SENP5: variants seen among roughly 807,000 people sequenced by gnomAD.
SENP5 encodes SUMO specific peptidase 5, also known as sentrin-specific protease 5.
Under a neutral mutation model 74.2 loss-of-function variants are expected in SENP5, and 21 were observed. The ratio of observed to expected loss-of-function variants is 0.28; its 90% CI spans 0.20 to 0.41. The LOEUF is 0.41. Among genes scored for constraint, SENP5 ranks in the 10% least tolerant of loss-of-function variants. The pLI is 1.00. For missense variants in SENP5, 717 were observed against 889.1 expected (o/e 0.81, Z 2.46); for synonymous variants, 311 against 312.7 (o/e 0.99, Z 0.06).
At chr3:196,893,016 C>T (rs1714279646) in intron 2 of SENP5, among the ~76,000 whole-genome samples, 1 of 152,158 alleles carries the variant, frequency 6.6e-6, no homozygotes, top group Admixed American at 6.6e-5. Flanking sequence ...GCAGGTACCT[C>T]TTCAACACAC....
intron 5 of SENP5, among the ~76,000 whole-genome samples, chr3:196,901,986 G>T (rs1316891320): frequency 3.9e-5 from 6 of 152,124 alleles, no homozygotes; most frequent in Non-Finnish European, 8.8e-5. Context: ...TCAGAAACTG[G>T]AGGTGGGGGA....
intron 1 of SENP5, among the ~76,000 whole-genome samples, chr3:196,883,010 A>G (rs1713795658): frequency 6.6e-6 from 1 of 151,562 alleles, no homozygotes; most frequent in South Asian, 2.1e-4. Flanking sequence ...ACAGACTGCT[A>G]GCATTCTGGG....
intron 4 of SENP5, 115 bp downstream of exon 4, chr3:196,900,177 T>A (rs941501626): frequency 7.4e-7 from 1 of 1,354,082 alleles, no homozygotes; most frequent in African/African-American, 1.5e-5. Flanking sequence ...CTTCATTCTT[T>A]ACTGGTTACT....
Position 196,886,656 on chromosome 3 carries a change from C to T in SENP5, c.1475C>T (p.Ser492Phe), listed in dbSNP as rs1713989212. ...VGGGKNSQKA[S>F]PVDDEQLSVC... ...GGTGGAAAGAACAGTCAGAAAGCCT[C>T]TCCAGTGGATGATGAACAGCTGTCA... is the stretch of plus-strand genomic sequence containing the variant. The change falls in exon 2 of 10, where the codon TCT (serine) becomes TTT (phenylalanine). Residue 492 changes from serine to phenylalanine, a missense_variant. By Grantham distance (155) the Ser-to-Phe change is radical (BLOSUM62 -2). Coordinates refer to ENST00000323460, the MANE Select transcript of SENP5 (RefSeq NM_152699.5). The T allele has an allele frequency of 6.3e-7, 1 of 1,589,586 alleles. No homozygotes were observed. The highest frequency in any genetic ancestry group is 8.5e-7 in the Non-Finnish European group (1 of 1,169,976).
At chr3:196,894,297 A>G (rs925740089) in intron 2 of SENP5, among the ~76,000 whole-genome samples, 7 of 151,270 alleles carry the variant, frequency 4.6e-5, no homozygotes, top group South Asian at 4.2e-4. Context: ...CTAATTTTGT[A>G]TTTTTAGTAG....
At position 196,932,089 on chromosome 3, in the gene SENP5, C is replaced by T. The variant is rs553268844; in HGVS notation, c.*1166C>T. 36 of 251,392 alleles carry T rather than the reference C, an allele frequency of 1.4e-4. No homozygotes were observed. Among genetic ancestry groups the T allele is most frequent in the South Asian group, 1.3e-3 (36 of 27,812 alleles). The allele number at this position is 251,392 out of a possible 1,614,324, so 15.6% of individuals were successfully genotyped here. On this transcript the variant is annotated 3_prime_UTR_variant, in exon 10 of 10. Coordinates refer to ENST00000323460, the MANE Select transcript of SENP5 (RefSeq NM_152699.5). ...AGCTGTTCTTCTCCTTCTGTTGAAC[C>T]TCATCTTCTGAAGAAAGGCCAAGTG...
At chr3:196,869,432 G>C (rs934750275) in intron 1 of SENP5, among the ~76,000 whole-genome samples, 1 of 151,304 alleles carries the variant, frequency 6.6e-6, no homozygotes, top group African/African-American at 2.4e-5. Flanking sequence ...TCGACCTCCT[G>C]ACCTCAAGTG....
intron 2 of SENP5, among the ~76,000 whole-genome samples, chr3:196,895,542 G>A (rs995767853): frequency 6.6e-6 from 1 of 151,608 alleles, no homozygotes; most frequent in Admixed American, 6.6e-5. Flanking sequence ...TTATTTTTGA[G>A]GCAGGGTCTC....
intron 6 of SENP5, among the ~76,000 whole-genome samples, chr3:196,915,197 T>G (rs1423642365): frequency 6.6e-6 from 1 of 152,236 alleles, no homozygotes. Context: ...GTCCTGGCAC[T>G]GTGCTGGGGT....
Position 196,934,333 on chromosome 3 carries a change from C to T in SENP5, c.*3410C>T, listed in dbSNP as rs1221988703. 6.6e-6 allele frequency: 1 copy of T among 152,264 alleles called. No individual in the cohort carries two copies. Among genetic ancestry groups the T allele is most frequent in the African/African-American group, 2.4e-5 (1 of 41,436 alleles). 9.4% of individuals were successfully genotyped at this position (152,264 alleles called of 1,614,324 possible). A position where few individuals can be genotyped will look rare whatever the true frequency, so the allele number is the denominator to read the frequency against. ...TCTCTGCTTTGCAGTTTACTGCTTC[C>T]CTGGGCTAGCCATAACGGGGTTCTG... On this transcript the variant is annotated 3_prime_UTR_variant, in exon 10 of 10. Transcript: ENST00000323460.
chr3:196,930,849 T>C lies in SENP5; in HGVS notation c.2194T>C (p.Phe732Leu). ...CCTCGCCTTAGAGCAGCCTTTCCAGTTTTCACAAGAAGACATGCCCCGAGT... is the reference window on the plus strand; with the variant it reads ...CCTCGCCTTAGAGCAGCCTTTCCAGCTTTCACAAGAAGACATGCCCCGAGT... ...KCLALEQPFQFSQEDMPRVRK... is the reference protein window; with the variant it reads ...KCLALEQPFQLSQEDMPRVRK... Residue 732 changes from phenylalanine (F) to leucine (L), a missense_variant, in exon 10 of 10, where the codon TTT becomes CTT. Transcript: ENST00000323460. 2 of 1,614,024 alleles carry C rather than the reference T, an allele frequency of 1.2e-6. No individual in the cohort carries two copies. Among genetic ancestry groups the C allele is most frequent in the Non-Finnish European group, 1.7e-6 (2 of 1,179,954 alleles).
intron 6 of SENP5, among the ~76,000 whole-genome samples, chr3:196,916,004 C>T (rs985547966): frequency 1.3e-5 from 2 of 152,124 alleles, no homozygotes; most frequent in Non-Finnish European, 2.9e-5. Context: ...ATTGCCCAGA[C>T]GTCGATGAAC....
chr3:196,928,703 C>T (rs1258194558), intron 8 of SENP5, among the ~76,000 whole-genome samples: 1 of 152,034 alleles, frequency 6.6e-6, no homozygotes. Context: ...ATTAGTTCAC[C>T]CTTGAACCGA....
chr3:196,890,759 AAAG>A (rs1430022944), intron 2 of SENP5, among the ~76,000 whole-genome samples: 1 of 152,226 alleles, frequency 6.6e-6, no homozygotes, highest in African/African-American at 2.4e-5. Context: ...CTAGAACTGA[AAAG>A]AAAGGTCTGA....
intron 6 of SENP5, among the ~76,000 whole-genome samples, chr3:196,906,101 TC>T (rs1267350315): frequency 6.6e-6 from 1 of 151,970 alleles, no homozygotes; most frequent in Non-Finnish European, 1.5e-5. Flanking sequence ...GTGCCTGTAG[TC>T]CCAGCTACTT....
In SENP5 at chr3:196,869,633, G is replaced by A. The variant is rs191094654; in HGVS notation, c.-32+1560G>A. ...AAATTAGCCAGGCGTGGTGGCGCAT[G>A]CCTGTAATCCCAGCTACTCGGAAGG... On this transcript the variant is annotated intron_variant, in intron 1 of 9. Transcript: ENST00000323460. Among the ~76,000 whole-genome samples the A allele has an allele frequency of 7.3e-4, 111 of 151,724 alleles. 1 individual carries two copies. Among genetic ancestry groups the A allele is most frequent in the African/African-American group, 2.6e-3 (106 of 41,466 alleles).
chr3:196,899,848 A>G, intron 3 of SENP5, 76 bp from the exon 4 acceptor site: 2 of 1,576,380 alleles, frequency 1.3e-6, no homozygotes, highest in Non-Finnish European at 1.7e-6. Flanking sequence ...GATTTACAGA[A>G]GAAAAGATAT....
chr3:196,914,727 G>A (rs989505401), intron 6 of SENP5: 49 of 150,616 alleles, frequency 3.3e-4, no homozygotes, highest in African/African-American at 1.2e-3. Context: ...CCTCCTGCAG[G>A]AACACCAAAT....
intron 1 of SENP5, among the ~76,000 whole-genome samples, chr3:196,876,713 CAA>C (rs34016373): frequency 8.2e-4 from 89 of 108,158 alleles, no homozygotes; most frequent in African/African-American, 9.7e-4. Flanking sequence ...CGTATTTCTA[CAA>C]AAAAAAAAAA....
Sources: gnomAD v4.1 joint callset for allele counts (sites outside exome capture counted in the v4.1 genomes callset) on GRCh38, gnomAD v4.1.1 for gene constraint, MANE v1.5 for transcripts, NCBI Gene and HGNC (gene_info 2026-07-23, HGNC 2026-07-21) for gene names.